DSCAM: variants seen among roughly 807,000 people sequenced by gnomAD.
DSCAM encodes DS cell adhesion molecule.
DSCAM carries 47 observed loss-of-function variants against 217.7 expected under a neutral mutation model. The ratio of observed to expected loss-of-function variants is 0.22; its 90% confidence interval spans 0.17 to 0.28. DSCAM has a LOEUF of 0.28. Ranked by LOEUF, DSCAM falls within the 10% of genes least tolerant of loss-of-function variation. The pLI is 1.00. For synonymous variants in DSCAM, 1,056 were observed against 1,015.3 expected, an observed-to-expected ratio of 1.04 and a Z score of -0.76; for missense variants, 2,080 against 2,618.3, an observed-to-expected ratio of 0.79 and a Z score of 4.49.
intron 18 of DSCAM, among the ~76,000 whole-genome samples, chr21:40,137,634 CACACACACACAT>C (rs1350386460): frequency 9.9e-4 from 139 of 141,094 alleles, no homozygotes; most frequent in South Asian, 3.8e-3. Context: ...CACACACACA[CACACACACACAT>C]TAACTGAAGT....
At chr21:40,828,468 C>T (rs2091987193) in intron 1 of DSCAM, among the ~76,000 whole-genome samples, 2 of 152,030 alleles carry the variant, frequency 1.3e-5, no homozygotes, top group African/African-American at 4.8e-5. Context: ...AAAGGGCTTA[C>T]CTGCTAGTTC....
chr21:40,823,149 C>A, intron 1 of DSCAM, among the ~76,000 whole-genome samples: 1 of 142,046 alleles, frequency 7.0e-6, no homozygotes, highest in African/African-American at 2.6e-5. Context: ...GACACCAGCC[C>A]CCCAGCACCG....
chr21:40,297,631 A>G (rs185636214), intron 9 of DSCAM, among the ~76,000 whole-genome samples: 116 of 152,322 alleles, frequency 7.6e-4, no homozygotes, highest in African/African-American at 2.6e-3. Context: ...AGCTTGTTAC[A>G]ATGATCTGAG....
rs902221738 is a variant in DSCAM at position 40,536,548 on chromosome 21, C to G, written c.508+156262G>C. Among the ~76,000 whole-genome samples, 171 of 152,008 alleles carry G rather than the reference C, an allele frequency of 1.1e-3. 1 individual carries two copies. The highest frequency in any genetic ancestry group is 4.0e-3 in the African/African-American group (167 of 41,438). On this transcript the variant is annotated intron_variant, in intron 3 of 32. Transcript: ENST00000400454. ...TCCCTAGTAGCTGGGACTACAGGCG[C>G]CCACCACCACGCCTGGCTAATTTTT... is the stretch of plus-strand genomic sequence containing the variant.
intron 11 of DSCAM, among the ~76,000 whole-genome samples, chr21:40,210,340 A>C (rs919052942): frequency 2.6e-5 from 4 of 152,188 alleles, no homozygotes; most frequent in Non-Finnish European, 5.9e-5. Context: ...GCACATATAT[A>C]TCTTTTGGCA....
intron 6 of DSCAM, among the ~76,000 whole-genome samples, chr21:40,341,027 T>G (rs1251239646): frequency 3.3e-5 from 5 of 152,298 alleles, no homozygotes; most frequent in South Asian, 2.1e-4. Flanking sequence ...TCATTCCAGC[T>G]CATGTTTCAG....
intron 3 of DSCAM, among the ~76,000 whole-genome samples, chr21:40,611,545 C>T (rs991269317): frequency 6.6e-6 from 1 of 152,188 alleles, no homozygotes; most frequent in African/African-American, 2.4e-5. Flanking sequence ...CTGCCCAACA[C>T]TGTGTGTGGC....
intron 1 of DSCAM, among the ~76,000 whole-genome samples, chr21:40,826,285 C>T (rs115012125): frequency 0.028 from 4,278 of 152,132 alleles, 198 homozygotes; most frequent in African/African-American, 0.098. Flanking sequence ...AGGCAGAACA[C>T]GCGGCCAGTG....
intron 1 of DSCAM, among the ~76,000 whole-genome samples, chr21:40,807,314 T>C (rs1022842808): frequency 2.6e-5 from 4 of 152,234 alleles, no homozygotes; most frequent in African/African-American, 9.6e-5. Context: ...ACATGGCTTC[T>C]CACACCTGCA....
intron 3 of DSCAM, among the ~76,000 whole-genome samples, chr21:40,487,284 C>A (rs1396121988): frequency 2.2e-5 from 3 of 136,670 alleles, no homozygotes; most frequent in Non-Finnish European, 4.8e-5. Context: ...TGTGTGTGTG[C>A]ATGTGTGCGT....
chr21:40,131,752 C>T (rs1375518178), intron 19 of DSCAM, among the ~76,000 whole-genome samples: 1 of 152,170 alleles, frequency 6.6e-6, no homozygotes, highest in Non-Finnish European at 1.5e-5. Context: ...CCCATACCAC[C>T]AGCAAAAGTG....
In DSCAM at chr21:40,084,002, T is replaced by C. The variant is rs1164525273; in HGVS notation, c.4137A>G (p.Pro1379=). ...EIILNLQVQV[P]PDQPRLTVSK... Reference sequence around the variant, plus strand: ...AGACTGTAAGCCGAGGCTGATCTGGTGGAACTGGAGAGGAAACAGTTTTTA... The same window carrying C: ...AGACTGTAAGCCGAGGCTGATCTGGCGGAACTGGAGAGGAAACAGTTTTTA... The change falls in exon 24 of 33, where the codon CCA becomes CCG. Residue 1379 remains proline, a synonymous_variant. Coordinates refer to ENST00000400454, the MANE Select transcript of DSCAM (RefSeq NM_001389.5). 6.2e-7 allele frequency: 1 copy of C among 1,611,698 alleles called. No homozygotes were observed. Among genetic ancestry groups the C allele is most frequent in the Non-Finnish European group, 8.5e-7 (1 of 1,179,272 alleles).
At chr21:40,218,625 G>C (rs1415929884) in intron 11 of DSCAM, among the ~76,000 whole-genome samples, 1 of 151,002 alleles carries the variant, frequency 6.6e-6, no homozygotes, top group Non-Finnish European at 1.5e-5. Flanking sequence ...ACATGAGCTT[G>C]GGATTTTTTT....
At position 40,748,015 on chromosome 21, in the gene DSCAM, C is replaced by T. The variant is rs575805082; in HGVS notation, c.44-39244G>A. Among the ~76,000 whole-genome samples, 26 of 151,830 alleles carry T rather than the reference C, an allele frequency of 1.7e-4. No homozygotes were observed. In the South Asian group the frequency reaches 5.4e-3, roughly 32 times the overall value. On this transcript the variant is annotated intron_variant, in intron 1 of 32. Coordinates refer to ENST00000400454, the MANE Select transcript of DSCAM (RefSeq NM_001389.5). ...ATGCTGAAAAAAATTTGATAAAATT[C>T]AATTCCTTCATAAAAATCCTCCAGA... is the stretch of plus-strand genomic sequence containing the variant.
intron 23 of DSCAM, 137 bp from the exon 24 acceptor site, chr21:40,084,143 T>C: frequency 1.6e-6 from 1 of 623,658 alleles, no homozygotes; most frequent in South Asian, 2.0e-5. Context: ...TACAATTCAC[T>C]TCTGTCAAAA....
intron 3 of DSCAM, among the ~76,000 whole-genome samples, chr21:40,501,041 T>C (rs1312237580): frequency 6.6e-6 from 1 of 152,232 alleles, no homozygotes; most frequent in East Asian, 1.9e-4. Flanking sequence ...TTACTGCAAA[T>C]ATTACTTCAT....
intron 31 of DSCAM, among the ~76,000 whole-genome samples, 162 bp downstream of exon 31, chr21:40,043,916 A>G (rs968268442): frequency 2.0e-5 from 3 of 152,244 alleles, no homozygotes; most frequent in African/African-American, 7.2e-5. Context: ...CAGTTGTATT[A>G]GTAACTGTTA....
intron 3 of DSCAM, among the ~76,000 whole-genome samples, chr21:40,621,558 C>T (rs1345005236): frequency 6.6e-6 from 1 of 151,842 alleles, no homozygotes; most frequent in Non-Finnish European, 1.5e-5. Context: ...CTGCTAAGCA[C>T]CCTCTGACTT....
intron 19 of DSCAM, among the ~76,000 whole-genome samples, chr21:40,132,308 T>A (rs189610504): frequency 2.6e-4 from 40 of 152,268 alleles, no homozygotes; most frequent in Admixed American, 1.1e-3. Context: ...CAGAGACACT[T>A]AGGTAAGGTG....
Sources: gnomAD v4.1 joint callset for allele counts (sites outside exome capture counted in the v4.1 genomes callset) on GRCh38, gnomAD v4.1.1 for gene constraint, MANE v1.5 for transcripts, NCBI Gene and HGNC (gene_info 2026-07-23, HGNC 2026-07-21) for gene names.